Variants in P4HA3 observed in about 807,000 individuals in gnomAD.
P4HA3 encodes the protein prolyl 4-hydroxylase subunit alpha 3.
A neutral mutation model predicts 66.7 loss-of-function variants in P4HA3; 60 were observed. The observed-to-expected ratio is 0.90, with a 90% confidence interval of 0.73 to 1.12. P4HA3 has a LOEUF of 1.12. P4HA3 is among the 50% of genes most tolerant of loss of function. P4HA3 has a pLI of 0.00. For synonymous variants in P4HA3, 263 were observed against 274.6 expected (o/e 0.96, Z 0.42); for missense variants, 683 against 685.8 (o/e 1.00, Z 0.05).
chr11:74,258,242 C>T (rs1007466575), intron 15 of P4HA3, among the ~76,000 whole-genome samples: 2 of 152,138 alleles, frequency 1.3e-5, no homozygotes, highest in African/African-American at 4.8e-5. Flanking sequence ...TAGAAAACTC[C>T]AGCCCATAGC....
At chr11:74,252,251 G>GT (rs1249533305) in intron 15 of P4HA3, among the ~76,000 whole-genome samples, 7,397 of 118,370 alleles carry the variant, frequency 0.062, 630 homozygotes, top group African/African-American at 0.2. Flanking sequence ...TTTTTTTTTT[G>GT]TTTTTTTTTT....
At chr11:74,276,078 C>T (rs923878709) in intron 9 of P4HA3, among the ~76,000 whole-genome samples, 3 of 152,154 alleles carry the variant, frequency 2.0e-5, no homozygotes, top group African/African-American at 7.2e-5. Flanking sequence ...CATGTCCTCA[C>T]TTATAAGTGG....
intron 15 of P4HA3, among the ~76,000 whole-genome samples, chr11:74,256,417 A>G (rs1304644776): frequency 6.6e-6 from 1 of 152,190 alleles, no homozygotes; most frequent in Non-Finnish European, 1.5e-5. Context: ...CCCAATTTAA[A>G]GGCAAGGAAG....
At chr11:74,255,912 C>G (rs781038070) in intron 15 of P4HA3, 13 of 515,356 alleles carry the variant, frequency 2.5e-5, no homozygotes, top group South Asian at 1.8e-4. Flanking sequence ...TTTGATTTCT[C>G]TCACCGGAAC....
chr11:74,291,456 G>T (rs571414248), intron 4 of P4HA3, among the ~76,000 whole-genome samples: 1 of 152,062 alleles, frequency 6.6e-6, no homozygotes, highest in Non-Finnish European at 1.5e-5. Flanking sequence ...CTGCCTGATT[G>T]CCCTGGCCAG....
At chr11:74,276,518 C>G (rs138863795) in intron 9 of P4HA3, among the ~76,000 whole-genome samples, 120 of 152,176 alleles carry the variant, frequency 7.9e-4, no homozygotes, top group African/African-American at 2.7e-3. Flanking sequence ...TGCCACTACA[C>G]TGCAGCCTGG....
At chr11:74,279,618 A>G (rs192922867) in intron 7 of P4HA3, among the ~76,000 whole-genome samples, 166 bp from the exon 8 acceptor site, 3 of 152,334 alleles carry the variant, frequency 2.0e-5, no homozygotes, top group African/African-American at 4.8e-5. Flanking sequence ...ACAGCTATCA[A>G]TCCTGAAAAT....
At chr11:74,280,536 G>C (rs1319980121) in intron 7 of P4HA3, among the ~76,000 whole-genome samples, 1 of 152,146 alleles carries the variant, frequency 6.6e-6, no homozygotes, top group East Asian at 1.9e-4. Context: ...ATTTATATGA[G>C]GGTAAACATG....
chr11:74,283,832 C>T (rs1462305576), intron 7 of P4HA3, among the ~76,000 whole-genome samples: 1 of 152,256 alleles, frequency 6.6e-6, no homozygotes, highest in Admixed American at 6.5e-5. Flanking sequence ...TTCCCCATCT[C>T]TTCTTCACCC....
At chr11:74,282,856 G>T (rs149876874) in intron 7 of P4HA3, among the ~76,000 whole-genome samples, 132 of 152,256 alleles carry the variant, frequency 8.7e-4, no homozygotes, top group African/African-American at 2.9e-3. Flanking sequence ...AGAGTTCAGA[G>T]GAGGAATAGG....
At chr11:74,250,812 A>G (rs1422815880) in intron 15 of P4HA3, 4 of 660,172 alleles carry the variant, frequency 6.1e-6, no homozygotes. Context: ...CATCCTCAGC[A>G]AGACTTGATA....
At chr11:74,277,612 T>C (rs539246354) in intron 8 of P4HA3, among the ~76,000 whole-genome samples, 1 of 152,330 alleles carries the variant, frequency 6.6e-6, no homozygotes, top group Non-Finnish European at 1.5e-5. Flanking sequence ...CTTATAAAGA[T>C]TGTGAGAGGC....
intron 3 of P4HA3, among the ~76,000 whole-genome samples, chr11:74,299,440 C>T (rs186966373): frequency 7.9e-5 from 12 of 152,258 alleles, no homozygotes; most frequent in East Asian, 1.9e-4. Context: ...TGCCATTAAC[C>T]TGTTGTTTTA....
chr11:74,310,273 C>T (rs988695820), intron 1 of P4HA3, among the ~76,000 whole-genome samples: 2 of 152,174 alleles, frequency 1.3e-5, no homozygotes, highest in Non-Finnish European at 2.9e-5. Flanking sequence ...ACTGCTAAGT[C>T]GATACATGAC....
At chr11:74,253,466 T>C in intron 15 of P4HA3, 1 of 1,599,044 alleles carries the variant, frequency 6.3e-7, no homozygotes, top group Non-Finnish European at 8.6e-7. Flanking sequence ...ACATTTGTTT[T>C]TCCTTCTCTT....
intron 4 of P4HA3, among the ~76,000 whole-genome samples, chr11:74,292,562 T>C (rs1223065980): frequency 6.6e-6 from 1 of 152,202 alleles, no homozygotes; most frequent in East Asian, 1.9e-4. Flanking sequence ...AGATCTTTCC[T>C]GCTTTCTCTT....
rs115594586 is a variant in P4HA3, at chr11:74,271,680, C to T, written c.1398+1865G>A. ...CCCAGATTGGGACTGATCTTATGTC[C>T]AATCTGAGCAGAAAATCACCAACTG... On this transcript the variant is annotated intron_variant, in intron 10 of 12. Coordinates refer to ENST00000331597, the MANE Select transcript of P4HA3 (RefSeq NM_182904.5). Among the ~76,000 whole-genome samples, 633 of 152,210 alleles carry T rather than the reference C, an allele frequency of 4.2e-3. 3 individuals carry two copies. The highest frequency in any genetic ancestry group is 0.015 in the African/African-American group (610 of 41,530).
chr11:74,266,957 T>G lies in P4HA3; in HGVS notation c.*291A>C, dbSNP rs1860007326. On this transcript the variant is annotated 3_prime_UTR_variant, in exon 13 of 13. Coordinates refer to ENST00000331597, the MANE Select transcript of P4HA3 (RefSeq NM_182904.5). The stretch of plus-strand genomic sequence containing the variant: ...AACCTGAGACTGTTGAGATGTCCTG[T>G]TCCCAACAGAGAGTATCTGAACTCC... The G allele has an allele frequency of 5.0e-5, 70 of 1,386,690 alleles. 1 individual carries two copies. In the South Asian group the frequency reaches 9.4e-4, roughly 19 times the overall value. 85.9% of individuals were successfully genotyped at this position (1,386,690 alleles called of 1,614,324 possible). A position where few individuals can be genotyped will look rare whatever the true frequency, so the allele number is the denominator to read the frequency against.
At chr11:74,274,922 T>C (rs1004046876) in intron 9 of P4HA3, among the ~76,000 whole-genome samples, 2 of 152,186 alleles carry the variant, frequency 1.3e-5, no homozygotes, top group African/African-American at 4.8e-5. Flanking sequence ...TTAATTTGCA[T>C]TTCCCTAATG....
Sources: gnomAD v4.1 joint callset for allele counts (sites outside exome capture counted in the v4.1 genomes callset) on GRCh38, gnomAD v4.1.1 for gene constraint, MANE v1.5 for transcripts, NCBI Gene and HGNC (gene_info 2026-07-23, HGNC 2026-07-21) for gene names.